Variants in RFC1 observed in about 807,000 individuals in gnomAD.
The protein encoded by RFC1 is A1 140 kDa subunit.
RFC1 carries 37 observed loss-of-function variants against 137.4 expected under a neutral mutation model. That is an observed-to-expected ratio of 0.27 (90% confidence interval 0.21 to 0.35). The LOEUF (loss-of-function observed/expected upper bound fraction) is 0.35, where lower values mean the gene tolerates loss of function less well. Ranked by LOEUF, RFC1 falls within the 10% of genes least tolerant of loss-of-function variation. RFC1 has a pLI of 1.00. For missense variants in RFC1, 1,205 were observed against 1,358.5 expected (o/e 0.89, Z 1.78); for synonymous variants, 429 against 455.7 (o/e 0.94, Z 0.75).
chr4:39,292,780 T>C (rs1737757652), intron 22 of RFC1, among the ~76,000 whole-genome samples: 1 of 151,786 alleles, frequency 6.6e-6, no homozygotes, highest in African/African-American at 2.4e-5. Flanking sequence ...TAGCTGGGAT[T>C]ACAGGCACCC....
Position 39,345,526 on chromosome 4 carries a change from C to CTTTT in RFC1, c.133-54_133-51dup, listed in dbSNP as rs760892775. ...AACATAAAGAAGCCTATATAACTAT[C>CTTTT]TTTTTTTTTTTTGAGACGGAGTCTC... On this transcript the variant is annotated intron_variant, in intron 2 of 24. Transcript: ENST00000349703. 1.1e-5 allele frequency: 13 copies of CTTTT among 1,164,380 alleles called. No individual in the cohort carries two copies. In the African/African-American group the frequency reaches 1.6e-4, roughly 14 times the overall value. The allele number at this position is 1,164,380 out of a possible 1,614,324, so 72.1% of individuals were successfully genotyped here. A position where few individuals can be genotyped will look rare whatever the true frequency, so the allele number is the denominator to read the frequency against.
chr4:39,326,631 T>C lies in RFC1; in HGVS notation c.574A>G (p.Asn192Asp), dbSNP rs1409483894. Reference protein sequence around the residue: ...VASKRKELSQNTDESGLNDEA... With the variant: ...VASKRKELSQDTDESGLNDEA... ...TCATTTAATCCAGACTCATCTGTAT[T>C]TTGTGAAAGCTATATTTCAAAGAAA... The change falls in exon 6 of 25, where the codon AAT becomes GAT. Residue 192 changes from asparagine (N) to aspartate (D), a missense_variant. Transcript: ENST00000349703. The C allele has an allele frequency of 6.2e-7, 1 of 1,611,160 alleles. No individual in the cohort carries two copies. The highest frequency in any genetic ancestry group is 1.7e-5 in the Admixed American group (1 of 59,906).
intron 12 of RFC1, among the ~76,000 whole-genome samples, chr4:39,309,277 T>C (rs773680994): frequency 1.3e-5 from 2 of 152,188 alleles, no homozygotes; most frequent in South Asian, 2.1e-4. Context: ...TTTTTAAAAG[T>C]AATAAGTACT....
intron 10 of RFC1, among the ~76,000 whole-genome samples, chr4:39,314,838 C>G (rs1230640715): frequency 1.3e-5 from 2 of 152,156 alleles, no homozygotes; most frequent in Non-Finnish European, 2.9e-5. Context: ...ATCCCCTCCC[C>G]TCCTGCCTTC....
chr4:39,355,096 A>ACAC (rs59993299), intron 1 of RFC1, among the ~76,000 whole-genome samples: 6 of 60,158 alleles, frequency 1.0e-4, no homozygotes, highest in South Asian at 6.6e-4. Flanking sequence ...AAAAAAAAAA[A>ACAC]ATACACACAC....
chr4:39,298,630 T>C (rs1294442247), intron 21 of RFC1, among the ~76,000 whole-genome samples: 1 of 152,172 alleles, frequency 6.6e-6, no homozygotes, highest in Non-Finnish European at 1.5e-5. Flanking sequence ...TGGCCTGCCC[T>C]AGCTGCACTG....
intron 4 of RFC1, among the ~76,000 whole-genome samples, chr4:39,340,839 T>C (rs1439814011): frequency 6.6e-6 from 1 of 152,176 alleles, no homozygotes; most frequent in Non-Finnish European, 1.5e-5. Flanking sequence ...TAATGCATAA[T>C]ACTGAACACC....
At chr4:39,308,521 TTAA>T in intron 13 of RFC1, 112 bp downstream of exon 13, 1 of 1,425,266 alleles carries the variant, frequency 7.0e-7, no homozygotes, top group South Asian at 1.4e-5. Flanking sequence ...GATCAAGCTC[TTAA>T]TAAATGCTTG....
chr4:39,346,468 T>C (rs1740864990), intron 2 of RFC1, among the ~76,000 whole-genome samples: 1 of 150,048 alleles, frequency 6.7e-6, no homozygotes, highest in African/African-American at 2.5e-5. Flanking sequence ...AAGAGCAAAA[T>C]TCCGTCTCAA....
At chr4:39,318,532 T>C (rs1032057046) in intron 9 of RFC1, among the ~76,000 whole-genome samples, 1 of 152,256 alleles carries the variant, frequency 6.6e-6, no homozygotes, top group Non-Finnish European at 1.5e-5. Flanking sequence ...ATGTATTAAA[T>C]AGACTTTATT....
chr4:39,349,147 G>A (rs926034496), intron 2 of RFC1, among the ~76,000 whole-genome samples: 3 of 152,146 alleles, frequency 2.0e-5, no homozygotes, highest in African/African-American at 7.2e-5. Flanking sequence ...TGAGACTGTG[G>A]ACTTCAGACT....
In RFC1 at chr4:39,304,260, G is replaced by GA. The variant is rs1444505062; in HGVS notation, c.2110+553dup. On this transcript the variant is annotated intron_variant, in intron 15 of 24. Transcript: ENST00000349703. ...CATAGAGGACCACTAGCTACAACCT[G>GA]AAACACAGTGGGCATTTGCACACTG... Among the ~76,000 whole-genome samples the GA allele has an allele frequency of 4.6e-5, 7 of 152,278 alleles. No homozygotes were observed. In the East Asian group the frequency reaches 5.8e-4, roughly 13 times the overall value.
chr4:39,364,080 TAAAAAAAAAAAA>T (rs34471101), intron 1 of RFC1, among the ~76,000 whole-genome samples: 1 of 122,926 alleles, frequency 8.1e-6, no homozygotes, highest in Admixed American at 8.8e-5. Flanking sequence ...ACCTTGCCTT[TAAAAAAAAAAAA>T]AAAAAAAAAA....
chr4:39,294,311 T>C (rs1737856113), intron 22 of RFC1, among the ~76,000 whole-genome samples: 1 of 152,156 alleles, frequency 6.6e-6, no homozygotes, highest in Admixed American at 6.5e-5. Flanking sequence ...GAATGGGGGA[T>C]CAAATATTAA....
chr4:39,303,114 G>A lies in RFC1; in HGVS notation c.2148C>T (p.Leu716=), dbSNP rs372525805. ...AASSVSTKHA[L]IMDEVDGMAG... ...CCATGCCATCTACTTCATCCATGAT[G>A]AGAGCATGTTTCGTGCTTACTGAAG... is the stretch of plus-strand genomic sequence containing the variant. Residue 716 remains leucine, a synonymous_variant, in exon 16 of 25, where the codon CTC becomes CTT. Coordinates refer to ENST00000349703, the MANE Select transcript of RFC1 (RefSeq NM_002913.5). The A allele has an allele frequency of 6.2e-7, 1 of 1,613,768 alleles. No homozygotes were observed. The highest frequency in any genetic ancestry group is 8.5e-7 in the Non-Finnish European group (1 of 1,179,892).
chr4:39,308,505 G>T, intron 13 of RFC1, 131 bp downstream of exon 13: 1 of 1,271,296 alleles, frequency 7.9e-7, no homozygotes, highest in Non-Finnish European at 1.1e-6. Context: ...ACTGCACCTG[G>T]GTTCAGATCA....
rs190654983 is a variant in RFC1, at chr4:39,330,585, C to A, written c.332-2829G>T. On this transcript the variant is annotated intron_variant, in intron 4 of 24. Transcript: ENST00000349703. ...GAGCACTTCAGCAAGGTGGGGCCAACTTTATCCTTGATTTGCTCAACCAGT... is the reference window on the plus strand; with the variant it reads ...GAGCACTTCAGCAAGGTGGGGCCAAATTTATCCTTGATTTGCTCAACCAGT... 1.8e-4 allele frequency among the ~76,000 whole-genome samples: 27 copies of A among 152,286 alleles called. 1 individual carries two copies. The highest frequency in any genetic ancestry group is 6.5e-4 in the African/African-American group (27 of 41,558).
In RFC1 at chr4:39,300,277, C is replaced by T. The variant is rs769579527; in HGVS notation, c.2673G>A (p.Val891=). The change falls in exon 20 of 25, where the codon GTG becomes GTA. Residue 891 remains valine, a synonymous_variant. Coordinates refer to ENST00000349703, the MANE Select transcript of RFC1 (RefSeq NM_002913.5). Reference sequence around the variant, plus strand: ...ACACTCACCCTGCTGCTACAGGCTTCACGTGTATGTAATTTTCCTGGACGA... The same window carrying T: ...ACACTCACCCTGCTGCTACAGGCTTTACGTGTATGTAATTTTCCTGGACGA... ...PLFVQENYIH[V]KPVAAGGDMK... 43 of 1,614,056 alleles carry T rather than the reference C, an allele frequency of 2.7e-5. No individual in the cohort carries two copies. Among genetic ancestry groups the T allele is most frequent in the Non-Finnish European group, 3.6e-5 (42 of 1,180,024 alleles).
chr4:39,303,002 T>G (rs965695353), intron 16 of RFC1, 58 bp downstream of exon 16: 140 of 1,498,234 alleles, frequency 9.3e-5, no homozygotes, highest in Middle Eastern at 8.5e-4. Context: ...AGAATGACAA[T>G]GTTCTAACAA....
Sources: gnomAD v4.1 joint callset for allele counts (sites outside exome capture counted in the v4.1 genomes callset) on GRCh38, gnomAD v4.1.1 for gene constraint, MANE v1.5 for transcripts, NCBI Gene and HGNC (gene_info 2026-07-23, HGNC 2026-07-21) for gene names.